Variants in LAMA2 observed in about 807,000 individuals in gnomAD.
LAMA2 encodes laminin subunit alpha 2, also known as laminin subunit alpha-2.
Under a neutral mutation model 364.8 loss-of-function variants are expected in LAMA2, and 269 were observed. The ratio of observed to expected loss-of-function variants is 0.74; its 90% confidence interval spans 0.67 to 0.82. The LOEUF is 0.82. Among genes scored for constraint, LAMA2 ranks in the 40% least tolerant of loss-of-function variants. The pLI is 0.00. For synonymous variants in LAMA2, 1,379 were observed against 1,370.6 expected (o/e 1.01, Z -0.14); for missense variants, 3,807 against 3,873.2 (o/e 0.98, Z 0.45).
intron 1 of LAMA2, among the ~76,000 whole-genome samples, chr6:128,987,343 A>C (rs1021862184): frequency 5.3e-5 from 8 of 151,628 alleles, no homozygotes; most frequent in African/African-American, 1.9e-4. Flanking sequence ...GGGTTTCACC[A>C]TTTTGGCGAG....
intron 51 of LAMA2, among the ~76,000 whole-genome samples, chr6:129,470,460 C>T (rs763122832): frequency 2.1e-4 from 32 of 151,680 alleles, no homozygotes; most frequent in Non-Finnish European, 4.4e-4. Flanking sequence ...ATGGCTAAAA[C>T]CTGAGATGTG....
intron 1 of LAMA2, among the ~76,000 whole-genome samples, chr6:128,916,675 G>A (rs1215627569): frequency 1.3e-5 from 2 of 152,176 alleles, no homozygotes; most frequent in Non-Finnish European, 2.9e-5. Flanking sequence ...CAGTGTTGAT[G>A]TGGAGAAGCC....
rs150078346 is a variant in LAMA2, at chr6:128,890,771, C to T, written c.112+7414C>T. On this transcript the variant is annotated intron_variant, in intron 1 of 64. Transcript: ENST00000421865. ...AGTTACTTCAGCAAGCTAGAAACAA[C>T]GGTATTTATTATACTGTATAATGAA... is the stretch of plus-strand genomic sequence containing the variant. Among the ~76,000 whole-genome samples, 941 of 152,074 alleles carry T rather than the reference C, an allele frequency of 6.2e-3. 8 individuals are homozygous for T. The highest frequency in any genetic ancestry group is 0.01 in the Middle Eastern group (3 of 294).
At chr6:129,359,696 C>T (rs1283021052) in intron 32 of LAMA2, among the ~76,000 whole-genome samples, 1 of 130,996 alleles carries the variant, frequency 7.6e-6, no homozygotes, top group Non-Finnish European at 1.6e-5. Flanking sequence ...TCATTTTATT[C>T]CTATTTGATT....
chr6:128,978,891 T>C (rs901392459), intron 1 of LAMA2, among the ~76,000 whole-genome samples: 29 of 152,154 alleles, frequency 1.9e-4, no homozygotes, highest in Non-Finnish European at 2.9e-5. Context: ...AGGAACATAG[T>C]TCCTCTCCTG....
rs906158803 is a variant in LAMA2, at chr6:129,454,163, T to A, written c.6582T>A (p.Phe2194Leu). Reference protein sequence around the residue: ...FYLGSAKFIDFLAIEMRKGKV... With the variant: ...FYLGSAKFIDLLAIEMRKGKV... The stretch of plus-strand genomic sequence containing the variant: ...GTATTTCTCTGAACTAGATTGACTT[T>A]CTGGCTATAGAAATGCGTAAAGGCA... The change falls in exon 47 of 65, where the codon TTT (phenylalanine) becomes TTA (leucine). Residue 2194 changes from phenylalanine (F) to leucine (L), a missense_variant. This residue lies in a region of LAMA2 where 3,333 missense variants were observed against 3,345.7 expected (regional missense o/e 1.00). Coordinates refer to ENST00000421865, the MANE Select transcript of LAMA2 (RefSeq NM_000426.4). 5.6e-6 allele frequency: 9 copies of A among 1,612,530 alleles called. No individual in the cohort carries two copies. The highest frequency in any genetic ancestry group is 1.3e-5 in the African/African-American group (1 of 74,834).
intron 44 of LAMA2, among the ~76,000 whole-genome samples, chr6:129,445,292 A>C (rs1042822597): frequency 6.6e-6 from 1 of 152,232 alleles, no homozygotes; most frequent in Admixed American, 6.5e-5. Flanking sequence ...TGGACAGACT[A>C]GGTGACATTT....
intron 60 of LAMA2, 39 bp from the exon 61 acceptor site, chr6:129,505,161 G>GTTCAGGAT (rs1562631351): frequency 6.3e-7 from 1 of 1,582,710 alleles, no homozygotes; most frequent in Admixed American, 1.7e-5. Flanking sequence ...TGTGAAATTT[G>GTTCAGGAT]TTCAGGATTG....
In LAMA2 at chr6:129,190,336, C is replaced by G; in HGVS notation, c.1599C>G (p.Thr533=). ...ACAGATGTCAGAGTTCCTACTGGAC[C>G]TATGGCAAAGTAAGCAAGCACCATT... ...VSNRCQSSYW[T]YGKIQDMSGW... Residue 533 remains threonine (T), a synonymous_variant, in exon 11 of 65, where the codon ACC becomes ACG. Coordinates refer to ENST00000421865, the MANE Select transcript of LAMA2 (RefSeq NM_000426.4). The G allele has an allele frequency of 6.2e-7, 1 of 1,613,340 alleles. No homozygotes were observed. Among genetic ancestry groups the G allele is most frequent in the Non-Finnish European group, 8.5e-7 (1 of 1,179,378 alleles).
At chr6:129,428,400 C>T (rs555231123) in intron 41 of LAMA2, among the ~76,000 whole-genome samples, 1 of 152,212 alleles carries the variant, frequency 6.6e-6, no homozygotes, top group Non-Finnish European at 1.5e-5. Flanking sequence ...CACTACTGTA[C>T]ACCAGCCTGG....
chr6:129,189,968 TC>T (rs1781433821), intron 10 of LAMA2, among the ~76,000 whole-genome samples: 1 of 152,164 alleles, frequency 6.6e-6, no homozygotes, highest in African/African-American at 2.4e-5. Flanking sequence ...ATCAACATAG[TC>T]ACTTTTACGA....
intron 1 of LAMA2, among the ~76,000 whole-genome samples, chr6:128,964,522 A>G (rs912670104): frequency 1.3e-5 from 2 of 152,070 alleles, no homozygotes; most frequent in Admixed American, 6.6e-5. Flanking sequence ...CAGAATATCT[A>G]CAATGTTTTG....
chr6:129,319,089 A>C (rs970575860), intron 27 of LAMA2, among the ~76,000 whole-genome samples: 2 of 152,210 alleles, frequency 1.3e-5, no homozygotes, highest in African/African-American at 2.4e-5. Flanking sequence ...GAATTATTTA[A>C]TAAAGTTAAG....
At chr6:129,293,373 G>C (rs1223770270) in intron 20 of LAMA2, among the ~76,000 whole-genome samples, 1 of 152,178 alleles carries the variant, frequency 6.6e-6, no homozygotes, top group Non-Finnish European at 1.5e-5. Flanking sequence ...AAATGGAAGA[G>C]ACTTCAGGCA....
At position 129,287,235 on chromosome 6, in the gene LAMA2, C is replaced by G. The variant is rs139728343; in HGVS notation, c.2538-612C>G. On this transcript the variant is annotated intron_variant, in intron 18 of 64. Coordinates refer to ENST00000421865, the MANE Select transcript of LAMA2 (RefSeq NM_000426.4). The stretch of plus-strand genomic sequence containing the variant: ...CCTATAATATGCAGGCATGCTTTCT[C>G]AGACTTCCCTTTAGTAAAGCCTTCA... Among the ~76,000 whole-genome samples the G allele has an allele frequency of 7.9e-5, 12 of 151,746 alleles. 1 individual carries two copies. The East Asian group carries it at 1.9e-3, about 25-fold the overall frequency.
At chr6:129,297,956 G>A (rs1659123662) in intron 21 of LAMA2, 91 bp downstream of exon 21, 1 of 1,049,944 alleles carries the variant, frequency 9.5e-7, no homozygotes, top group South Asian at 1.3e-5. Context: ...AGGAAGCACA[G>A]ATTGATACAA....
intron 1 of LAMA2, among the ~76,000 whole-genome samples, chr6:128,914,466 A>G (rs1333204380): frequency 6.6e-6 from 1 of 152,180 alleles, no homozygotes; most frequent in Non-Finnish European, 1.5e-5. Flanking sequence ...GTAATCCTCT[A>G]TCTCATATAT....
chr6:129,039,007 A>G (rs1786882830), intron 1 of LAMA2, among the ~76,000 whole-genome samples: 1 of 152,220 alleles, frequency 6.6e-6, no homozygotes, highest in Admixed American at 6.5e-5. Context: ...TTCTCAAGAA[A>G]GATTATACAG....
intron 34 of LAMA2, among the ~76,000 whole-genome samples, chr6:129,372,951 A>G (rs1273426259): frequency 6.6e-6 from 1 of 152,144 alleles, no homozygotes; most frequent in African/African-American, 2.4e-5. Context: ...CTTCTTTGGT[A>G]AGGTGTCTAT....
Sources: gnomAD v4.1 joint callset for allele counts (sites outside exome capture counted in the v4.1 genomes callset) on GRCh38, gnomAD v4.1.1 for gene constraint, gnomAD v4.1.1 regional missense constraint, MANE v1.5 for transcripts, NCBI Gene and HGNC (gene_info 2026-07-23, HGNC 2026-07-21) for gene names.